DPYD: variants seen among roughly 807,000 people sequenced by gnomAD.
DPYD encodes the protein dihydropyrimidine dehydrogenase [NADP(+)].
A neutral mutation model predicts 116.2 loss-of-function variants in DPYD; 109 were observed. The ratio of observed to expected loss-of-function variants is 0.94; its 90% CI spans 0.80 to 1.10. DPYD has a LOEUF of 1.10. Among genes scored for constraint, DPYD ranks in the 50% least tolerant of loss-of-function variants. DPYD has a pLI of 0.00. For synonymous variants in DPYD, 440 were observed against 432.0 expected, an observed-to-expected ratio of 1.02 and a Z score of -0.23; for missense variants, 1,302 against 1,254.5, an observed-to-expected ratio of 1.04 and a Z score of -0.57.
intron 16 of DPYD, among the ~76,000 whole-genome samples, chr1:97,372,994 T>G (rs1671384737): frequency 6.6e-6 from 1 of 152,234 alleles, no homozygotes; most frequent in Non-Finnish European, 1.5e-5. Context: ...GTGTTTTCTA[T>G]ATATTAACAT....
At chr1:97,807,379 T>C (rs1571390761) in intron 3 of DPYD, among the ~76,000 whole-genome samples, 1 of 152,058 alleles carries the variant, frequency 6.6e-6, no homozygotes, top group East Asian at 1.9e-4. Context: ...GTATCTGTTG[T>C]TTTAATTTGC....
chr1:97,096,299 G>A (rs531891928), intron 21 of DPYD, among the ~76,000 whole-genome samples: 62 of 151,964 alleles, frequency 4.1e-4, no homozygotes, highest in Non-Finnish European at 8.1e-4. Context: ...TACAATCTCT[G>A]AAAGATTTGA....
intron 20 of DPYD, among the ~76,000 whole-genome samples, chr1:97,107,855 T>C (rs772731958): frequency 1.8e-4 from 28 of 152,160 alleles, no homozygotes; most frequent in Non-Finnish European, 3.7e-4. Context: ...AGAAGCATAC[T>C]ACCTACATAC....
chr1:97,735,326 C>T (rs963677629), intron 4 of DPYD, among the ~76,000 whole-genome samples: 1 of 152,166 alleles, frequency 6.6e-6, no homozygotes, highest in East Asian at 1.9e-4. Context: ...ATCAGACTCG[C>T]AGAGACTTTT....
chr1:97,707,115 G>T (rs959569025), intron 5 of DPYD, among the ~76,000 whole-genome samples: 1 of 151,946 alleles, frequency 6.6e-6, no homozygotes, highest in Admixed American at 6.6e-5. Context: ...TGTTAGAAAG[G>T]TGGGGTTTTT....
intron 20 of DPYD, among the ~76,000 whole-genome samples, chr1:97,102,396 C>CATATATATATATAT (rs372249411): frequency 0.047 from 4,558 of 96,962 alleles, 267 homozygotes; most frequent in East Asian, 0.081. Context: ...CACTCAGTAT[C>CATATATATATATAT]ATATATATAT....
chr1:97,185,679 A>C (rs1454888682), intron 20 of DPYD, among the ~76,000 whole-genome samples: 1 of 152,192 alleles, frequency 6.6e-6, no homozygotes, highest in Non-Finnish European at 1.5e-5. Flanking sequence ...AAATCTCTGT[A>C]ATATTATAGT....
intron 14 of DPYD, among the ~76,000 whole-genome samples, chr1:97,401,068 G>A (rs1273189148): frequency 6.6e-6 from 1 of 152,026 alleles, no homozygotes; most frequent in African/African-American, 2.4e-5. Flanking sequence ...CTGACATGAT[G>A]TAGAGTACCT....
At chr1:97,714,673 AAC>A (rs1443720217) in intron 5 of DPYD, among the ~76,000 whole-genome samples, 6 of 149,720 alleles carry the variant, frequency 4.0e-5, no homozygotes, top group Non-Finnish European at 4.5e-5. Context: ...AAAAAAAAAA[AAC>A]AACTAAGCCG....
intron 7 of DPYD, among the ~76,000 whole-genome samples, chr1:97,682,657 A>G (rs1043427676): frequency 5.9e-5 from 9 of 152,180 alleles, no homozygotes; most frequent in Non-Finnish European, 1.3e-4. Flanking sequence ...CTGATAAGCT[A>G]TGAAATCTCA....
intron 16 of DPYD, among the ~76,000 whole-genome samples, chr1:97,364,653 T>C (rs948363144): frequency 4.6e-5 from 7 of 152,086 alleles, no homozygotes; most frequent in African/African-American, 1.4e-4. Context: ...CTCTGCAATA[T>C]AAACAATGTC....
intron 14 of DPYD, among the ~76,000 whole-genome samples, chr1:97,397,536 C>T (rs186588758): frequency 6.6e-6 from 1 of 152,002 alleles, no homozygotes; most frequent in Non-Finnish European, 1.5e-5. Context: ...TCACCCCACC[C>T]AACCCTCCTG....
intron 15 of DPYD, among the ~76,000 whole-genome samples, chr1:97,378,506 C>A (rs1045879778): frequency 3.3e-5 from 5 of 152,100 alleles, no homozygotes; most frequent in Admixed American, 6.6e-5. Flanking sequence ...CTGGACCTTC[C>A]TTGTCTCTTC....
At chr1:97,554,967 A>G (rs1372499321) in intron 11 of DPYD, among the ~76,000 whole-genome samples, 1 of 151,856 alleles carries the variant, frequency 6.6e-6, no homozygotes, top group Non-Finnish European at 1.5e-5. Flanking sequence ...TGACATGGTT[A>G]TCTTTTCTCA....
At chr1:97,437,007 T>C (rs985738550) in intron 14 of DPYD, among the ~76,000 whole-genome samples, 1 of 151,822 alleles carries the variant, frequency 6.6e-6, no homozygotes, top group African/African-American at 2.4e-5. Context: ...CTATATATGT[T>C]ATATAAAGAA....
At chr1:97,446,641 C>T (rs1228016787) in intron 14 of DPYD, among the ~76,000 whole-genome samples, 2 of 152,150 alleles carry the variant, frequency 1.3e-5, no homozygotes, top group East Asian at 1.9e-4. Context: ...TGAAGCCCTA[C>T]CTTCTGCTTC....
chr1:97,776,452 T>TG (rs1666412125), intron 3 of DPYD, among the ~76,000 whole-genome samples: 1 of 152,202 alleles, frequency 6.6e-6, no homozygotes, highest in Non-Finnish European at 1.5e-5. Flanking sequence ...GCGTAGTAGT[T>TG]GCAGGCACTG....
At chr1:97,386,173 C>T (rs1271226140) in intron 14 of DPYD, among the ~76,000 whole-genome samples, 1 of 152,102 alleles carries the variant, frequency 6.6e-6, no homozygotes, top group African/African-American at 2.4e-5. Flanking sequence ...TGAAAGCAGA[C>T]TCTATCTTCT....
At chr1:97,677,224 T>C (rs1044474109) in intron 8 of DPYD, among the ~76,000 whole-genome samples, 1 of 152,204 alleles carries the variant, frequency 6.6e-6, no homozygotes, top group African/African-American at 2.4e-5. Context: ...TTTCAATGTA[T>C]TGGTTATTTT....
Sources: allele counts gnomAD v4.1 joint callset (sites outside exome capture counted in the v4.1 genomes callset), GRCh38; gene constraint gnomAD v4.1.1; transcripts MANE v1.5; gene names NCBI Gene and HGNC (gene_info 2026-07-23, HGNC 2026-07-21).